The following ZNF365 variants were observed in gnomAD, a reference collection of about 807,000 sequenced individuals.
ZNF365 encodes zinc finger protein 365.
Under a neutral mutation model 35.0 loss-of-function variants are expected in ZNF365, and 22 were observed. The ratio of observed to expected loss-of-function variants is 0.63; its 90% confidence interval spans 0.45 to 0.90. ZNF365 has a LOEUF of 0.90. Ranked by LOEUF, ZNF365 falls within the 40% of genes least tolerant of loss-of-function variation. The pLI, the probability that ZNF365 is intolerant of heterozygous loss-of-function variation, is 0.00. For missense variants in ZNF365, 448 were observed against 500.3 expected (o/e 0.90, Z 1.00); for synonymous variants, 188 against 196.2 (o/e 0.96, Z 0.35).
At chr10:62,389,841 A>T (rs549956246) in intron 3 of ZNF365, among the ~76,000 whole-genome samples, 1 of 152,356 alleles carries the variant, frequency 6.6e-6, no homozygotes, top group Non-Finnish European at 1.5e-5. Context: ...CAGGTGCTAT[A>T]TTCAAAGAAG....
chr10:62,403,868 T>G (rs543653618), downstream of ZNF365, among the ~76,000 whole-genome samples: 46 of 152,298 alleles, frequency 3.0e-4, no homozygotes, highest in African/African-American at 1.1e-3. Context: ...TCTGGATCCT[T>G]CAGAAGTGAA....
At chr10:62,451,502 G>T (rs905358777) in intron 3 of ZNF365, among the ~76,000 whole-genome samples, 8 of 152,234 alleles carry the variant, frequency 5.3e-5, no homozygotes, top group South Asian at 4.1e-4. Context: ...TGGTGCAGAG[G>T]TTCCAGTTCC....
At chr10:62,429,435 G>A (rs1228178669) in intron 3 of ZNF365, among the ~76,000 whole-genome samples, 1 of 152,182 alleles carries the variant, frequency 6.6e-6, no homozygotes, top group Non-Finnish European at 1.5e-5. Flanking sequence ...GAATTGCGAA[G>A]ACTTTACACA....
At chr10:62,414,822 G>C (rs1280839624) in intron 3 of ZNF365, among the ~76,000 whole-genome samples, 1 of 152,132 alleles carries the variant, frequency 6.6e-6, no homozygotes, top group African/African-American at 2.4e-5. Flanking sequence ...TGGGATACAG[G>C]CTATATGTAT....
intron 4 of ZNF365, among the ~76,000 whole-genome samples, chr10:62,467,772 C>G (rs1329968241): frequency 6.6e-6 from 1 of 152,066 alleles, no homozygotes; most frequent in Non-Finnish European, 1.5e-5. Context: ...ATGCTTCAAG[C>G]CTCTTTGCTT....
At chr10:62,425,546 G>A (rs1840238255) in intron 3 of ZNF365, among the ~76,000 whole-genome samples, 1 of 152,070 alleles carries the variant, frequency 6.6e-6, no homozygotes, top group Non-Finnish European at 1.5e-5. Flanking sequence ...GAAAAGAGGG[G>A]GCCAGATATG....
At position 62,402,287 on chromosome 10, in the gene ZNF365, C is replaced by T; in HGVS notation, c.*2498C>T. The T allele has an allele frequency of 1.0e-6, 1 of 985,610 alleles. No homozygotes were observed. 61.1% of individuals were successfully genotyped at this position (985,610 alleles called of 1,614,324 possible). On this transcript the variant is annotated 3_prime_UTR_variant, in exon 5 of 5. Coordinates refer to ENST00000395254, the MANE Select transcript of ZNF365 (RefSeq NM_014951.3). ...TCTTGCTTTTTCCCTTTTTCCCAAA[C>T]TAGGTTACAGGTTCTTATCTGCAAG...
rs577205865 is a variant in ZNF365 at position 62,392,978 on chromosome 10, A to G, written c.924+4402A>G. On this transcript the variant is annotated intron_variant, in intron 3 of 4. Coordinates refer to ENST00000395254, the MANE Select transcript of ZNF365 (RefSeq NM_014951.3). Reference sequence around the variant, plus strand: ...AGAGAAGTACAATAATATTCTCTTCATGTGCTTTATTCAATAAGCTTTTTT... The same window carrying G: ...AGAGAAGTACAATAATATTCTCTTCGTGTGCTTTATTCAATAAGCTTTTTT... Among the ~76,000 whole-genome samples, 33 of 151,652 alleles carry G rather than the reference A, an allele frequency of 2.2e-4. 1 individual carries two copies. In the South Asian group the frequency reaches 5.8e-3, roughly 27 times the overall value.
intron 4 of ZNF365, among the ~76,000 whole-genome samples, chr10:62,467,656 C>T (rs538739179): frequency 2.0e-5 from 3 of 152,314 alleles, no homozygotes; most frequent in African/African-American, 7.2e-5. Flanking sequence ...CCATTGTGAC[C>T]TGGCCTGGAC....
intron 3 of ZNF365, among the ~76,000 whole-genome samples, chr10:62,458,375 A>G (rs1231789802): frequency 1.3e-5 from 2 of 152,026 alleles, no homozygotes; most frequent in African/African-American, 4.8e-5. Flanking sequence ...TTTTGTCTTC[A>G]GCATGGTTAT....
intron 4 of ZNF365, chr10:62,459,846 GCA>G: frequency 6.5e-7 from 1 of 1,549,884 alleles, no homozygotes; most frequent in Non-Finnish European, 8.8e-7. Flanking sequence ...ACAATAACCA[GCA>G]GCCCATCTGG....
At position 62,401,717 on chromosome 10, in the gene ZNF365, C is replaced by G. The variant is rs1839832730; in HGVS notation, c.*1928C>G. 2 of 985,392 alleles carry G rather than the reference C, an allele frequency of 2.0e-6. No homozygotes were observed. The highest frequency in any genetic ancestry group is 4.7e-5 in the South Asian group (1 of 21,290). 61.0% of individuals were successfully genotyped at this position (985,392 alleles called of 1,614,324 possible). ...TGACTTGTTAGTTGTATTGCATGCT[C>G]TTTGTCCTGTAATGTGTGTGCAATG... On this transcript the variant is annotated 3_prime_UTR_variant, in exon 5 of 5. Transcript: ENST00000395254.
chr10:62,398,634 A>T, intron 3 of ZNF365, 106 bp from the exon 4 acceptor site: 1 of 983,516 alleles, frequency 1.0e-6, no homozygotes, highest in Non-Finnish European at 1.5e-6. Flanking sequence ...GCAGTCACTG[A>T]CTCCCTTAAT....
chr10:62,446,628 T>C (rs1840593902), intron 3 of ZNF365, among the ~76,000 whole-genome samples: 1 of 152,192 alleles, frequency 6.6e-6, no homozygotes, highest in Admixed American at 6.5e-5. Flanking sequence ...ATAATATAAT[T>C]TGAAAACTAC....
chr10:62,399,063 T>C (rs1392740473), intron 4 of ZNF365, among the ~76,000 whole-genome samples: 10 of 152,204 alleles, frequency 6.6e-5, no homozygotes, highest in African/African-American at 2.4e-4. Context: ...TATAGTGTGG[T>C]CATAATAACT....
chr10:62,478,370 C>G (rs1000077131), intron 4 of ZNF365, among the ~76,000 whole-genome samples: 4 of 152,216 alleles, frequency 2.6e-5, no homozygotes, highest in Non-Finnish European at 5.9e-5. Flanking sequence ...GGACATGGTT[C>G]TATTCCCTGG....
At chr10:62,395,430 C>A (rs1839707484) in intron 3 of ZNF365, among the ~76,000 whole-genome samples, 1 of 151,524 alleles carries the variant, frequency 6.6e-6, no homozygotes, top group South Asian at 2.1e-4. Flanking sequence ...CTCTGCCTCC[C>A]TGGTTCAAGC....
At position 62,401,157 on chromosome 10, in the gene ZNF365, A is replaced by C; in HGVS notation, c.*1368A>C. On this transcript the variant is annotated 3_prime_UTR_variant, in exon 5 of 5. Coordinates refer to ENST00000395254, the MANE Select transcript of ZNF365 (RefSeq NM_014951.3). ...ATATATACATATATATAACACATAC[A>C]AAATATATATGTTAAGTATATTAAT... The C allele has an allele frequency of 1.0e-6, 1 of 958,440 alleles. No homozygotes were observed. Among genetic ancestry groups the C allele is most frequent in the Non-Finnish European group, 1.2e-6 (1 of 805,492 alleles). The allele number at this position is 958,440 out of a possible 1,614,324, so 59.4% of individuals were successfully genotyped here.
At chr10:62,449,991 G>A (rs1840653103) in intron 3 of ZNF365, among the ~76,000 whole-genome samples, 1 of 151,968 alleles carries the variant, frequency 6.6e-6, no homozygotes, top group Non-Finnish European at 1.5e-5. Flanking sequence ...AAAGAGTGTA[G>A]GCTGGGTGCA....
Sources: allele counts gnomAD v4.1 joint callset (sites outside exome capture counted in the v4.1 genomes callset), GRCh38; gene constraint gnomAD v4.1.1; transcripts MANE v1.5; gene names NCBI Gene and HGNC (gene_info 2026-07-23, HGNC 2026-07-21).